GTF2IRD1: variants seen among roughly 807,000 people sequenced by gnomAD.
GTF2IRD1 encodes GTF2I repeat domain containing 1, also known as general transcription factor II-I repeat domain-containing protein 1.
Under a neutral mutation model 113.2 loss-of-function variants are expected in GTF2IRD1, and 26 were observed. The observed-to-expected ratio is 0.23, with a 90% CI of 0.17 to 0.32. GTF2IRD1 has a LOEUF of 0.32. Ranked by LOEUF, GTF2IRD1 falls within the 10% of genes least tolerant of loss-of-function variation. GTF2IRD1 has a pLI of 1.00. For synonymous variants in GTF2IRD1, 484 were observed against 529.1 expected (o/e 0.91, Z 1.17); for missense variants, 864 against 1,280.8 (o/e 0.67, Z 4.97).
In GTF2IRD1 at chr7:74,589,845, TTGTAGA is replaced by T. The variant is rs782498381; in HGVS notation, c.2321-3_2323del. The T allele has an allele frequency of 1.3e-6, 2 of 1,599,918 alleles. No homozygotes were observed. The highest frequency in any genetic ancestry group is 1.7e-6 in the Non-Finnish European group (2 of 1,167,200). ...ACTCTCATGCCCCCTTGTCTTCCTCTTGTAGATGAAGATGACGCCAACAGACTCGGG... is the reference window on the plus strand; with the variant it reads ...ACTCTCATGCCCCCTTGTCTTCCTCTTGAAGATGACGCCAACAGACTCGGG... On this transcript the variant is annotated splice_acceptor_variant and splice_polypyrimidine_tract_variant and coding_sequence_variant and intron_variant, in exon 23 of 27. Transcript: ENST00000424337. LOFTEE classifies it high-confidence loss of function.
At chr7:74,483,124 G>T (rs546011900) in intron 1 of GTF2IRD1, among the ~76,000 whole-genome samples, 2 of 152,272 alleles carry the variant, frequency 1.3e-5, no homozygotes, top group East Asian at 3.9e-4. Flanking sequence ...CTGGGCCGTG[G>T]TTTCCCTAGA....
At chr7:74,539,498 C>G (rs1450541220) in intron 13 of GTF2IRD1, among the ~76,000 whole-genome samples, 1 of 151,870 alleles carries the variant, frequency 6.6e-6, no homozygotes, top group Non-Finnish European at 1.5e-5. Flanking sequence ...AATCCCAGCA[C>G]TTTGGGAGGC....
chr7:74,519,479 G>A lies in GTF2IRD1; in HGVS notation c.676G>A (p.Gly226Arg), dbSNP rs782438519. The A allele has an allele frequency of 2.8e-5, 45 of 1,599,890 alleles. No homozygotes were observed. Among genetic ancestry groups the A allele is most frequent in the Non-Finnish European group, 3.7e-5 (43 of 1,173,410 alleles). The change falls in exon 6 of 27, where the codon GGG becomes AGG. Residue 226 changes from glycine to arginine, a missense_variant. This residue lies in a region of GTF2IRD1 where 195 missense variants were observed against 196.6 expected (regional missense o/e 0.99). Coordinates refer to ENST00000424337, the MANE Select transcript of GTF2IRD1 (RefSeq NM_005685.4). ...GAACGGTGTCTCCCTGATTCCCAAG[G>A]GGTCACGGGACTGTGGCCTGCATGG... ...ELNGVSLIPK[G>R]SRDCGLHGQA...
intron 9 of GTF2IRD1, among the ~76,000 whole-genome samples, chr7:74,531,240 G>A (rs148991625): frequency 0.027 from 4,131 of 151,390 alleles, 186 homozygotes; most frequent in African/African-American, 0.094. Context: ...GTGTGGTGGC[G>A]CACGCCTGTA....
At chr7:74,473,394 T>C (rs991809788) in intron 1 of GTF2IRD1, among the ~76,000 whole-genome samples, 2 of 151,200 alleles carry the variant, frequency 1.3e-5, no homozygotes, top group Non-Finnish European at 2.9e-5. Flanking sequence ...TTCTGTGAGG[T>C]TGGGCGTGGA....
At chr7:74,553,724 C>G (rs1185465397) in intron 17 of GTF2IRD1, among the ~76,000 whole-genome samples, 2 of 152,164 alleles carry the variant, frequency 1.3e-5, no homozygotes, top group African/African-American at 4.8e-5. Context: ...GTGGCCTTGG[C>G]AGCCGGCTGT....
Position 74,516,809 on chromosome 7 carries a change from G to A in GTF2IRD1, c.421+1213G>A, listed in dbSNP as rs587710725. Among the ~76,000 whole-genome samples, 59 of 152,192 alleles carry A rather than the reference G, an allele frequency of 3.9e-4. No individual in the cohort carries two copies. The Middle Eastern group carries it at 0.014, about 35-fold the overall frequency. On this transcript the variant is annotated intron_variant, in intron 4 of 26. Transcript: ENST00000424337. The stretch of plus-strand genomic sequence containing the variant: ...GCCCTGGCCCCCCTTGTCCACTTTG[G>A]GCAGAATTCAAGGAGGCTATGAGAG...
intron 1 of GTF2IRD1, among the ~76,000 whole-genome samples, chr7:74,469,351 G>A (rs1418949604): frequency 6.6e-6 from 1 of 151,768 alleles, no homozygotes; most frequent in Non-Finnish European, 1.5e-5. Context: ...TATTCACAGA[G>A]TTGTGCAGTA....
intron 25 of GTF2IRD1, among the ~76,000 whole-genome samples, chr7:74,598,965 C>T (rs1475180259): frequency 2.6e-5 from 4 of 152,160 alleles, no homozygotes; most frequent in Non-Finnish European, 5.9e-5. Flanking sequence ...ACATTTGCCC[C>T]ATGGACCCAG....
Position 74,515,552 on chromosome 7 carries a change from A to T in GTF2IRD1, c.377A>T (p.Tyr126Phe). 6.2e-7 allele frequency: 1 copy of T among 1,613,682 alleles called. No homozygotes were observed. The highest frequency in any genetic ancestry group is 8.5e-7 in the Non-Finnish European group (1 of 1,179,666). ...TCCCTGGAACATGGCTCAGATGTGT[A>T]CCTTCTGCGGAAGATGGTAGAGGAG... ...RSSLEHGSDV[Y>F]LLRKMVEEVF... Residue 126 changes from tyrosine to phenylalanine, a missense_variant, in exon 4 of 27, where the codon TAC becomes TTC. Tyr to Phe is a conservative substitution (Grantham distance 22). Around this residue, in one of 7 missense-constraint regions of GTF2IRD1, gnomAD observed 182 missense variants for 266.6 expected, o/e 0.68. Transcript: ENST00000424337.
At chr7:74,488,026 A>C (rs570414536) in intron 1 of GTF2IRD1, among the ~76,000 whole-genome samples, 80 of 152,300 alleles carry the variant, frequency 5.3e-4, no homozygotes, top group African/African-American at 1.9e-3. Context: ...TCACACTCAT[A>C]ATCTAGCACT....
At chr7:74,589,981 G>C in intron 23 of GTF2IRD1, 53 bp downstream of exon 23, 2 of 1,204,772 alleles carry the variant, frequency 1.7e-6, no homozygotes, top group South Asian at 1.3e-5. Context: ...CGGGGGTGGT[G>C]GGGGGCCTCC....
At chr7:74,576,332 G>A (rs1000738121) in intron 22 of GTF2IRD1, among the ~76,000 whole-genome samples, 14 of 151,266 alleles carry the variant, frequency 9.3e-5, no homozygotes, top group South Asian at 6.3e-4. Context: ...AGGCTGAGGC[G>A]GGCGAATCAC....
intron 22 of GTF2IRD1, among the ~76,000 whole-genome samples, chr7:74,585,062 A>C (rs1801640010): frequency 6.6e-6 from 1 of 150,534 alleles, no homozygotes; most frequent in Non-Finnish European, 1.5e-5. Flanking sequence ...TCGGCCTCCC[A>C]AAGTGCTGGG....
At chr7:74,596,210 C>G (rs1218553157) in intron 25 of GTF2IRD1, among the ~76,000 whole-genome samples, 2 of 151,912 alleles carry the variant, frequency 1.3e-5, no homozygotes, top group Non-Finnish European at 2.9e-5. Flanking sequence ...GCGTGTAATC[C>G]CAGCACTTTG....
chr7:74,564,733 G>T (rs1477341441), intron 22 of GTF2IRD1, among the ~76,000 whole-genome samples: 5 of 148,774 alleles, frequency 3.4e-5, no homozygotes, highest in Admixed American at 3.3e-4. Context: ...ACAGAGCGAG[G>T]TCTTGTCTCT....
Position 74,510,405 on chromosome 7 carries a change from C to T in GTF2IRD1, c.123+2202C>T, listed in dbSNP as rs189750087. Reference sequence around the variant, plus strand: ...CACTGCAACCTCCGCCTCCTGGGCTCAAGTGATTCTCCTGCCTCAGCCTCT... The same window carrying T: ...CACTGCAACCTCCGCCTCCTGGGCTTAAGTGATTCTCCTGCCTCAGCCTCT... On this transcript the variant is annotated intron_variant, in intron 2 of 26. Transcript: ENST00000424337. 3.9e-3 allele frequency among the ~76,000 whole-genome samples: 588 copies of T among 151,520 alleles called. 5 individuals are homozygous for T. Among genetic ancestry groups the T allele is most frequent in the African/African-American group, 0.013 (535 of 41,258 alleles).
chr7:74,502,606 G>A (rs187859284), intron 1 of GTF2IRD1, among the ~76,000 whole-genome samples: 89 of 152,364 alleles, frequency 5.8e-4, no homozygotes, highest in Middle Eastern at 3.4e-3. Flanking sequence ...CAGCCTGGAG[G>A]CAGCCCTGCC....
At chr7:74,530,087 G>A (rs1554348400) in intron 9 of GTF2IRD1, among the ~76,000 whole-genome samples, 170 bp downstream of exon 9, 4 of 152,166 alleles carry the variant, frequency 2.6e-5, no homozygotes, top group Non-Finnish European at 4.4e-5. Context: ...GTGGGTGCCT[G>A]TAATCCCAGC....
Sources: allele counts gnomAD v4.1 joint callset (sites outside exome capture counted in the v4.1 genomes callset), GRCh38; gene constraint gnomAD v4.1.1; regional missense constraint gnomAD v4.1.1; transcripts MANE v1.5; gene names NCBI Gene and HGNC (gene_info 2026-07-23, HGNC 2026-07-21).